The following DST variants were observed in gnomAD, a reference collection of about 807,000 sequenced individuals.
DST encodes bullous pemphigoid antigen.
A neutral mutation model predicts 875.2 loss-of-function variants in DST; 253 were observed. The ratio of observed to expected loss-of-function variants is 0.29; its 90% CI spans 0.26 to 0.32. DST has a LOEUF of 0.32. Ranked by LOEUF, DST falls within the 10% of genes least tolerant of loss-of-function variation. DST has a pLI of 1.00. For synonymous variants in DST, 3,124 were observed against 3,197.1 expected (o/e 0.98, Z 0.77); for missense variants, 8,287 against 9,111.6 (o/e 0.91, Z 3.68).
intron 10 of DST, among the ~76,000 whole-genome samples, 166 bp from the exon 11 acceptor site, chr6:56,651,410 A>C (rs1329099084): frequency 6.6e-6 from 1 of 152,236 alleles, no homozygotes; most frequent in Non-Finnish European, 1.5e-5. Context: ...CACTTATCTC[A>C]GAAACTTCTG....
At chr6:56,721,028 T>A (rs542190887) in intron 5 of DST, among the ~76,000 whole-genome samples, 35,156 of 145,048 alleles carry the variant, frequency 0.24, 5,251 homozygotes, top group African/African-American at 0.44. Context: ...GGCAGCCCCC[T>A]CCGCCTCCCA....
chr6:56,529,391 A>G, intron 66 of DST, 57 bp downstream of exon 66: 1 of 1,311,592 alleles, frequency 7.6e-7, no homozygotes, highest in Non-Finnish European at 1.0e-6. Flanking sequence ...AATAAGGACT[A>G]AGAAATAATG....
intron 4 of DST, among the ~76,000 whole-genome samples, chr6:56,761,216 TC>T (rs1448296348): frequency 6.6e-6 from 1 of 152,196 alleles, no homozygotes; most frequent in African/African-American, 2.4e-5. Context: ...AGTCAAGCCT[TC>T]AGAGGACAGC....
chr6:56,854,242 C>A (rs1368658386), intron 3 of DST, among the ~76,000 whole-genome samples: 1 of 152,012 alleles, frequency 6.6e-6, no homozygotes, highest in Non-Finnish European at 1.5e-5. Flanking sequence ...AACTACAGTT[C>A]CCTTTTGTTT....
chr6:56,858,955 ACATGAAAGCCTGTGCTCTTGAC>A (rs1333423116), intron 3 of DST, among the ~76,000 whole-genome samples: 1 of 152,200 alleles, frequency 6.6e-6, no homozygotes, highest in Non-Finnish European at 1.5e-5. Flanking sequence ...GGTCCTTTTG[ACATGAAAGCCTGTGCTCTTGAC>A]CACATGGTAC....
At chr6:56,755,816 G>A (rs1416247902) in intron 4 of DST, among the ~76,000 whole-genome samples, 2 of 152,148 alleles carry the variant, frequency 1.3e-5, no homozygotes, top group Non-Finnish European at 2.9e-5. Context: ...ACCATTTCTG[G>A]TTTATAAAAT....
intron 4 of DST, chr6:56,843,343 CCAGGCCTCCGGG>C (rs2099802809): frequency 3.3e-6 from 4 of 1,207,358 alleles, no homozygotes; most frequent in Admixed American, 4.2e-5. Context: ...AAGGAAACGC[CCAGGCCTCCGGG>C]CAGGCCGATG....
Position 56,534,746 on chromosome 6 carries a change from C to A in DST, c.16941+376G>T, listed in dbSNP as rs60705825. ...TCCCTCCATTCCAGCACTTTAGGTCCCTCATCTTTGCTCTATTGCTTCCTG... is the reference window on the plus strand; with the variant it reads ...TCCCTCCATTCCAGCACTTTAGGTCACTCATCTTTGCTCTATTGCTTCCTG... On this transcript the variant is annotated intron_variant, in intron 63 of 103. Transcript: ENST00000680361. Among the ~76,000 whole-genome samples, 369 of 152,186 alleles carry A rather than the reference C, an allele frequency of 2.4e-3. 1 individual carries two copies. Among genetic ancestry groups the A allele is most frequent in the African/African-American group, 8.8e-3 (364 of 41,516 alleles).
chr6:56,756,000 T>C (rs569441119), intron 4 of DST, among the ~76,000 whole-genome samples: 1 of 152,290 alleles, frequency 6.6e-6, no homozygotes, highest in African/African-American at 2.4e-5. Flanking sequence ...AGCAGAGCCA[T>C]AGGGCTAGCT....
intron 31 of DST, 75 bp downstream of exon 31, chr6:56,630,170 T>C (rs557438362): frequency 2.7e-6 from 3 of 1,103,720 alleles, no homozygotes; most frequent in African/African-American, 3.1e-5. Context: ...TAACACTTGA[T>C]GTTTGAAGAT....
chr6:56,480,879 T>C (rs2095379517), intron 90 of DST, among the ~76,000 whole-genome samples: 1 of 152,122 alleles, frequency 6.6e-6, no homozygotes, highest in African/African-American at 2.4e-5. Flanking sequence ...GACCCAAACC[T>C]AAGTATGTTA....
intron 61 of DST, among the ~76,000 whole-genome samples, chr6:56,543,305 G>A (rs946865202): frequency 6.6e-6 from 1 of 152,170 alleles, no homozygotes; most frequent in African/African-American, 2.4e-5. Flanking sequence ...AGAGTGTTTT[G>A]CCGTTCCCTT....
At chr6:56,501,743 CCAAA>C (rs1173650833) in intron 78 of DST, 50 bp from the exon 79 acceptor site, 1 of 1,327,794 alleles carries the variant, frequency 7.5e-7, no homozygotes, top group Non-Finnish European at 1.0e-6. Flanking sequence ...ATCACTAACT[CCAAA>C]CAAAGAAATC....
intron 4 of DST, among the ~76,000 whole-genome samples, chr6:56,776,112 A>G (rs577620418): frequency 6.6e-6 from 1 of 152,358 alleles, no homozygotes; most frequent in East Asian, 1.9e-4. Flanking sequence ...ATGTGAATTG[A>G]TATGTTAATA....
intron 5 of DST, among the ~76,000 whole-genome samples, chr6:56,730,981 T>C (rs1248889183): frequency 6.6e-6 from 1 of 152,238 alleles, no homozygotes; most frequent in East Asian, 1.9e-4. Flanking sequence ...TAAACAAATG[T>C]AATTTTAGCC....
At chr6:56,865,301 ATG>A (rs576756554) in intron 3 of DST, among the ~76,000 whole-genome samples, 3 of 136,040 alleles carry the variant, frequency 2.2e-5, no homozygotes, top group African/African-American at 5.6e-5. Flanking sequence ...GTGTGTCTGT[ATG>A]TGTGTGTGTG....
chr6:56,675,226 C>G (rs1027269683), intron 9 of DST, among the ~76,000 whole-genome samples: 1 of 152,060 alleles, frequency 6.6e-6, no homozygotes, highest in Non-Finnish European at 1.5e-5. Context: ...GATATTAGAC[C>G]CTTATCTCAC....
chr6:56,880,350 G>A (rs1011672709), intron 3 of DST, among the ~76,000 whole-genome samples: 2 of 152,180 alleles, frequency 1.3e-5, no homozygotes, highest in Non-Finnish European at 2.9e-5. Flanking sequence ...GAACTACAAT[G>A]AAGAAATTAC....
intron 61 of DST, among the ~76,000 whole-genome samples, chr6:56,537,742 G>T (rs1456499144): frequency 6.6e-6 from 1 of 152,090 alleles, no homozygotes; most frequent in Non-Finnish European, 1.5e-5. Flanking sequence ...CCAATTTACA[G>T]TTCCCCAGTT....
Sources: allele counts gnomAD v4.1 joint callset (sites outside exome capture counted in the v4.1 genomes callset), GRCh38; gene constraint gnomAD v4.1.1; transcripts MANE v1.5; gene names NCBI Gene and HGNC (gene_info 2026-07-23, HGNC 2026-07-21).